Variants in UBR1 observed in about 807,000 individuals in gnomAD.
UBR1 encodes the protein ubiquitin protein ligase E3 component n-recognin 1.
In UBR1, 102 loss-of-function variants were observed where a neutral mutation model predicts 242.1. That is an observed-to-expected ratio of 0.42 (90% CI 0.36 to 0.50). The LOEUF (loss-of-function observed/expected upper bound fraction) is 0.50. Ranked by LOEUF, UBR1 falls within the 20% of genes least tolerant of loss-of-function variation. The pLI is 0.01. For missense variants in UBR1, 1,772 were observed against 2,101.8 expected (o/e 0.84, Z 3.07); for synonymous variants, 675 against 684.8 (o/e 0.99, Z 0.22).
chr15:43,032,472 C>T (rs539331375), intron 20 of UBR1, 96 bp downstream of exon 20: 5 of 832,724 alleles, frequency 6.0e-6, no homozygotes, highest in East Asian at 2.7e-5. Context: ...ATGCAGTATA[C>T]GAATAAGGAG....
intron 44 of UBR1, among the ~76,000 whole-genome samples, chr15:42,957,720 A>G (rs1567107724): frequency 1.3e-5 from 2 of 152,070 alleles, no homozygotes; most frequent in Non-Finnish European, 2.9e-5. Flanking sequence ...ATGAAAAATT[A>G]AAAAAATTAG....
chr15:42,999,065 C>T lies in UBR1; in HGVS notation c.3660-800G>A, dbSNP rs186852756. Among the ~76,000 whole-genome samples, 615 of 152,004 alleles carry T rather than the reference C, an allele frequency of 4.0e-3. 7 individuals are homozygous for T. Among genetic ancestry groups the T allele is most frequent in the Non-Finnish European group, 5.1e-3 (348 of 67,958 alleles). Reference sequence around the variant, plus strand: ...AAGCGATTCTCCTGCCTCAGCCTCCCGAGTTGCTGGGATTACAAGTGCCTG... The same window carrying T: ...AAGCGATTCTCCTGCCTCAGCCTCCTGAGTTGCTGGGATTACAAGTGCCTG... On this transcript the variant is annotated intron_variant, in intron 32 of 46. Transcript: ENST00000290650.
At chr15:43,084,338 G>A (rs557756159) in intron 2 of UBR1, among the ~76,000 whole-genome samples, 1 of 152,174 alleles carries the variant, frequency 6.6e-6, no homozygotes, top group South Asian at 2.1e-4. Flanking sequence ...GAGACATGAG[G>A]TCTGCAAATG....
At chr15:42,992,363 T>C (rs2032569323) in intron 33 of UBR1, among the ~76,000 whole-genome samples, 3 of 152,210 alleles carry the variant, frequency 2.0e-5, no homozygotes, top group African/African-American at 4.8e-5. Context: ...ATTTGGAATA[T>C]TACATTGGGA....
intron 1 of UBR1, among the ~76,000 whole-genome samples, chr15:43,098,221 T>C (rs1377797672): frequency 6.6e-6 from 1 of 152,274 alleles, no homozygotes; most frequent in East Asian, 1.9e-4. Context: ...TTTTATTATG[T>C]TTGCTGTCTT....
At chr15:43,027,632 C>T (rs2033194807) in intron 22 of UBR1, 144 bp downstream of exon 22, 3 of 689,134 alleles carry the variant, frequency 4.4e-6, no homozygotes, top group African/African-American at 1.8e-5. Context: ...ACTGTGAGCC[C>T]CTCATTCTCA....
In UBR1 at chr15:42,970,077, T is replaced by C. The variant is rs996682473; in HGVS notation, c.4457+443A>G. ...AAGAACAAAGCTGGAGGTATCACGC[T>C]ACCTGACTTCAGACTATACTACAAG... On this transcript the variant is annotated intron_variant, in intron 40 of 46. Coordinates refer to ENST00000290650, the MANE Select transcript of UBR1 (RefSeq NM_174916.3). Among the ~76,000 whole-genome samples the C allele has an allele frequency of 2.0e-5, 3 of 152,218 alleles. No homozygotes were observed. The South Asian group carries it at 6.2e-4, about 32-fold the overall frequency.
intron 19 of UBR1, among the ~76,000 whole-genome samples, chr15:43,033,497 A>T (rs2033285677): frequency 6.6e-6 from 1 of 151,480 alleles, no homozygotes; most frequent in African/African-American, 2.4e-5. Flanking sequence ...TACAAAAATT[A>T]GCCAGGCATG....
At chr15:43,061,297 C>A (rs1022330919) in intron 6 of UBR1, among the ~76,000 whole-genome samples, 1 of 152,180 alleles carries the variant, frequency 6.6e-6, no homozygotes, top group Non-Finnish European at 1.5e-5. Context: ...CCAGAGAGGA[C>A]CTACAGACCT....
intron 46 of UBR1, 99 bp from the exon 47 acceptor site, chr15:42,945,569 G>T: frequency 1.4e-6 from 2 of 1,475,038 alleles, no homozygotes; most frequent in Non-Finnish European, 1.9e-6. Flanking sequence ...TGTTCCTGGA[G>T]CCGGGAGGAC....
At chr15:42,979,089 T>C (rs193000158) in intron 37 of UBR1, among the ~76,000 whole-genome samples, 1 of 152,088 alleles carries the variant, frequency 6.6e-6, no homozygotes, top group Non-Finnish European at 1.5e-5. Flanking sequence ...GAGATGGTGT[T>C]TCACCATGTT....
At chr15:43,006,619 T>G (rs1055308640) in intron 30 of UBR1, among the ~76,000 whole-genome samples, 10 of 152,246 alleles carry the variant, frequency 6.6e-5, no homozygotes, top group African/African-American at 2.4e-4. Flanking sequence ...AGCTAATTCC[T>G]GATGTAATAA....
chr15:43,059,138 T>C lies in UBR1; in HGVS notation c.1040A>G (p.Glu347Gly). Reference sequence around the variant, plus strand: ...TAACCTGCTTATGAGACAGGGATTCTCCGAGTCAGGTTCTTCTCTAAGGCA... The same window carrying C: ...TAACCTGCTTATGAGACAGGGATTCCCCGAGTCAGGTTCTTCTCTAAGGCA... ...QACLREEPDSENPCLISRLML... is the reference protein window; with the variant it reads ...QACLREEPDSGNPCLISRLML... The change falls in exon 9 of 47, where the codon GAG (glutamate) becomes GGG (glycine). Residue 347 changes from glutamate to glycine, a missense_variant. This residue lies in a region of UBR1 where 734 missense variants were observed against 893.3 expected (regional missense o/e 0.82). Coordinates refer to ENST00000290650, the MANE Select transcript of UBR1 (RefSeq NM_174916.3). 1 of 1,614,180 alleles carries C rather than the reference T, an allele frequency of 6.2e-7. No individual in the cohort carries two copies. Among genetic ancestry groups the C allele is most frequent in the Non-Finnish European group, 8.5e-7 (1 of 1,180,020 alleles).
chr15:43,001,383 G>A (rs574144188), intron 32 of UBR1, among the ~76,000 whole-genome samples: 5 of 152,238 alleles, frequency 3.3e-5, no homozygotes, highest in Admixed American at 6.5e-5. Flanking sequence ...TCCTGACCTC[G>A]TGATCCGCCC....
chr15:42,994,115 T>C (rs1405934698), intron 33 of UBR1, among the ~76,000 whole-genome samples: 1 of 152,168 alleles, frequency 6.6e-6, no homozygotes, highest in Non-Finnish European at 1.5e-5. Context: ...AATTCCTAAT[T>C]TGTTAGGTTT....
intron 32 of UBR1, 108 bp from the exon 33 acceptor site, chr15:42,998,373 T>A: frequency 1.0e-6 from 1 of 958,276 alleles, no homozygotes; most frequent in Non-Finnish European, 1.6e-6. Flanking sequence ...AAAGTTGAGT[T>A]CCTCCAGATT....
chr15:43,043,091 C>T, intron 15 of UBR1, 124 bp downstream of exon 15: 3 of 1,026,044 alleles, frequency 2.9e-6, no homozygotes, highest in Non-Finnish European at 4.4e-6. Context: ...CCCTTAACTG[C>T]AGTATCTGAC....
intron 30 of UBR1, among the ~76,000 whole-genome samples, chr15:43,005,304 G>A (rs865970911): frequency 4.2e-5 from 6 of 142,252 alleles, no homozygotes; most frequent in Non-Finnish European, 7.7e-5. Flanking sequence ...GGCAGCCCCC[G>A]CCCGGCAGCC....
chr15:43,011,238 G>A (rs1377897129), intron 29 of UBR1, among the ~76,000 whole-genome samples: 4 of 151,324 alleles, frequency 2.6e-5, no homozygotes, highest in Non-Finnish European at 4.4e-5. Context: ...CTTTGGAATA[G>A]GAAAAGCTTT....
Sources: gnomAD v4.1 joint callset for allele counts (sites outside exome capture counted in the v4.1 genomes callset) on GRCh38, gnomAD v4.1.1 for gene constraint, gnomAD v4.1.1 regional missense constraint, MANE v1.5 for transcripts, NCBI Gene and HGNC (gene_info 2026-07-23, HGNC 2026-07-21) for gene names.